The following LRRIQ1 variants were observed in gnomAD, a reference collection of about 807,000 sequenced individuals.
LRRIQ1 encodes leucine-rich repeat- and IQ domain-containing protein 1.
Under a neutral mutation model 211.9 loss-of-function variants are expected in LRRIQ1, and 210 were observed. That is an observed-to-expected ratio of 0.99 (90% CI 0.89 to 1.11). LRRIQ1 has a LOEUF of 1.11. LRRIQ1 is among the 50% of genes most tolerant of loss of function. The pLI, the probability that LRRIQ1 is intolerant of heterozygous loss-of-function variation, is 0.00. For synonymous variants in LRRIQ1, 699 were observed against 650.1 expected, an observed-to-expected ratio of 1.08 and a Z score of -1.14; for missense variants, 2,136 against 1,939.5, an observed-to-expected ratio of 1.10 and a Z score of -1.90.
chr12:85,163,820 A>G (rs183532257), intron 24 of LRRIQ1, among the ~76,000 whole-genome samples: 23 of 152,152 alleles, frequency 1.5e-4, no homozygotes, highest in African/African-American at 4.3e-4. Flanking sequence ...GTTTTACAGG[A>G]TGTTCTTCTA....
At chr12:85,076,304 T>G (rs1291549216) in intron 11 of LRRIQ1, among the ~76,000 whole-genome samples, 1 of 151,902 alleles carries the variant, frequency 6.6e-6, no homozygotes, top group African/African-American at 2.4e-5. Flanking sequence ...GGAATTGGAA[T>G]AAGTTATTTC....
intron 11 of LRRIQ1, among the ~76,000 whole-genome samples, chr12:85,092,157 A>T (rs1482954926): frequency 6.6e-6 from 1 of 152,228 alleles, no homozygotes; most frequent in East Asian, 1.9e-4. Context: ...CACAGAGATC[A>T]TAACAAATCA....
chr12:85,046,162 G>T, intron 5 of LRRIQ1, 25 bp downstream of exon 5: 1 of 1,346,402 alleles, frequency 7.4e-7, no homozygotes, highest in Non-Finnish European at 1.0e-6. Flanking sequence ...TCAATGATAT[G>T]TTTGTTGATT....
intron 24 of LRRIQ1, among the ~76,000 whole-genome samples, chr12:85,228,975 T>A (rs1296227156): frequency 6.6e-6 from 1 of 152,126 alleles, no homozygotes; most frequent in Admixed American, 6.5e-5. Context: ...GTCTAAAAGA[T>A]CAAGTCCATG....
chr12:85,102,959 AAT>A (rs1197049295), intron 13 of LRRIQ1, among the ~76,000 whole-genome samples: 5,842 of 107,784 alleles, frequency 0.054, 171 homozygotes, highest in Admixed American at 0.06. Context: ...AAAAAAAAAA[AAT>A]ATATATATAT....
intron 24 of LRRIQ1, among the ~76,000 whole-genome samples, chr12:85,192,633 TATATATAGTTATATACTATAATTATAA>T: frequency 1.0e-5 from 1 of 99,150 alleles, no homozygotes; most frequent in African/African-American, 5.1e-5. Context: ...TATAAATAAA[TATATATAGTTATATACTATAATTATAA>T]ATATATAGTT....
At position 85,106,532 on chromosome 12, in the gene LRRIQ1, T is replaced by G. The variant is rs1258998330; in HGVS notation, c.3294T>G (p.Ser1098Arg). 6.2e-7 allele frequency: 1 copy of G among 1,605,324 alleles called. No individual in the cohort carries two copies. The highest frequency in any genetic ancestry group is 8.5e-7 in the Non-Finnish European group (1 of 1,174,014). ...TTTTATTTTCTGTAGATCTTAAAAGTGCCATAAAATGGTTTGATGCATGCT... is the reference window on the plus strand; with the variant it reads ...TTTTATTTTCTGTAGATCTTAAAAGGGCCATAAAATGGTTTGATGCATGCT... ...VSHNCLSDLK[S>R]AIKWFDACYS... Residue 1098 changes from serine (S) to arginine (R), a missense_variant, in exon 15 of 27, where the codon AGT becomes AGG. Physicochemically the swap from Ser to Arg is moderately radical, Grantham distance 110. Transcript: ENST00000393217.
intron 1 of LRRIQ1, among the ~76,000 whole-genome samples, chr12:85,258,097 T>C (rs1896174483): frequency 6.6e-6 from 1 of 151,912 alleles, no homozygotes; most frequent in African/African-American, 2.4e-5. Context: ...CCCAATGTGA[T>C]ATGTATTAGC....
chr12:85,127,182 T>G (rs1293478271), intron 17 of LRRIQ1, among the ~76,000 whole-genome samples: 2 of 152,236 alleles, frequency 1.3e-5, no homozygotes, highest in East Asian at 3.8e-4. Context: ...TCAATGTACA[T>G]TTTAAATCAC....
intron 19 of LRRIQ1, among the ~76,000 whole-genome samples, chr12:85,139,839 C>T (rs992570738): frequency 2.6e-5 from 4 of 151,212 alleles, no homozygotes; most frequent in South Asian, 4.1e-4. Context: ...CTGATTAGCA[C>T]GTTTCTAGAA....
Position 85,229,631 on chromosome 12 carries a change from G to A in LRRIQ1, c.4937G>A (p.Ser1646Asn). 2 of 1,611,678 alleles carry A rather than the reference G, an allele frequency of 1.2e-6. No individual in the cohort carries two copies. Among genetic ancestry groups the A allele is most frequent in the Non-Finnish European group, 1.7e-6 (2 of 1,179,240 alleles). Residue 1646 changes from serine to asparagine, a missense_variant, in exon 25 of 27, where the codon AGT (serine) becomes AAT (asparagine). Transcript: ENST00000393217. ...CAGGTTGGGGTTCATGAAACGACTAGTTCCAGAAATATGAAATGGTGAGGT... is the reference window on the plus strand; with the variant it reads ...CAGGTTGGGGTTCATGAAACGACTAATTCCAGAAATATGAAATGGTGAGGT... ...HTQVGVHETTSSRNMKCNHFL... is the reference protein window; with the variant it reads ...HTQVGVHETTNSRNMKCNHFL...
intron 24 of LRRIQ1, among the ~76,000 whole-genome samples, chr12:85,196,537 T>A (rs1274137795): frequency 6.6e-6 from 1 of 152,046 alleles, no homozygotes; most frequent in Non-Finnish European, 1.5e-5. Context: ...TCTACAACTA[T>A]CTGATCTTTG....
intron 2 of LRRIQ1, among the ~76,000 whole-genome samples, chr12:85,039,384 A>G (rs1055764404): frequency 6.6e-6 from 1 of 151,620 alleles, no homozygotes; most frequent in Non-Finnish European, 1.5e-5. Flanking sequence ...TCTACAATCC[A>G]GGTAGCTTAG....
At chr12:85,259,645 G>A (rs1896227958) in intron 1 of LRRIQ1, among the ~76,000 whole-genome samples, 1 of 151,954 alleles carries the variant, frequency 6.6e-6, no homozygotes, top group African/African-American at 2.4e-5. Context: ...ATATTGTTTT[G>A]ACAAAACATT....
chr12:85,246,474 T>C (rs750477081), downstream of LRRIQ1, among the ~76,000 whole-genome samples: 3 of 151,350 alleles, frequency 2.0e-5, no homozygotes, highest in Non-Finnish European at 4.4e-5. Flanking sequence ...AAAAATTGCT[T>C]TTTCACTTTA....
chr12:85,216,743 T>C (rs1894109437), intron 24 of LRRIQ1, among the ~76,000 whole-genome samples: 1 of 152,002 alleles, frequency 6.6e-6, no homozygotes, highest in Non-Finnish European at 1.5e-5. Context: ...AGACAAGGAC[T>C]GCTTTTACCT....
intron 1 of LRRIQ1, among the ~76,000 whole-genome samples, chr12:85,257,046 T>TTA (rs541495250): frequency 0.026 from 2,849 of 108,446 alleles, 136 homozygotes; most frequent in African/African-American, 0.092. Context: ...TATTATATAA[T>TTA]TATATATATA....
At chr12:85,095,051 ACAT>A (rs1298517283) in intron 11 of LRRIQ1, among the ~76,000 whole-genome samples, 2 of 152,170 alleles carry the variant, frequency 1.3e-5, no homozygotes, top group Non-Finnish European at 1.5e-5. Context: ...ATGTAGAATC[ACAT>A]CATCAGAAAG....
At chr12:85,078,560 A>AT (rs924423734) in intron 11 of LRRIQ1, among the ~76,000 whole-genome samples, 4 of 151,902 alleles carry the variant, frequency 2.6e-5, no homozygotes, top group African/African-American at 4.8e-5. Flanking sequence ...ATTCTTATAT[A>AT]TTTTTTTACT....
Sources: gnomAD v4.1 joint callset for allele counts (sites outside exome capture counted in the v4.1 genomes callset) on GRCh38, gnomAD v4.1.1 for gene constraint, MANE v1.5 for transcripts, NCBI Gene and HGNC (gene_info 2026-07-23, HGNC 2026-07-21) for gene names.